Variants in AFF2 observed in about 807,000 individuals in gnomAD.
AFF2 encodes AF4/FMR2 family member 2.
AFF2 carries 14 observed loss-of-function variants against 76.9 expected under a neutral mutation model. The ratio of observed to expected loss-of-function variants is 0.18; its 90% confidence interval spans 0.12 to 0.28. AFF2 has a LOEUF of 0.28. Among genes scored for constraint, AFF2 ranks in the 10% least tolerant of loss-of-function variants. AFF2 has a pLI of 1.00. For missense variants in AFF2, 868 were observed against 1,001.1 expected (o/e 0.87, Z 1.79); for synonymous variants, 398 against 366.7 (o/e 1.09, Z -0.98).
intron 1 of AFF2, among the ~76,000 whole-genome samples, chrX:148,558,564 T>C (rs1250286775): frequency 1.8e-5 from 2 of 111,638 alleles, no homozygotes; most frequent in East Asian, 2.8e-4. Flanking sequence ...GAAGAAATAA[T>C]AGAGAGTACG....
At chrX:148,525,329 T>C (rs1420197364) in intron 1 of AFF2, among the ~76,000 whole-genome samples, 1 of 111,804 alleles carries the variant, frequency 8.9e-6, no homozygotes, top group Non-Finnish European at 1.9e-5. Flanking sequence ...ATAGCAAATA[T>C]TGACTTTAAT....
chrX:148,791,098 T>C (rs782586918), intron 3 of AFF2, among the ~76,000 whole-genome samples: 1 of 112,255 alleles, frequency 8.9e-6, no homozygotes, highest in East Asian at 2.8e-4. Context: ...TCAATACATA[T>C]TATTCTATGT....
intron 3 of AFF2, among the ~76,000 whole-genome samples, chrX:148,801,470 A>G (rs782035931): frequency 9.0e-5 from 10 of 111,704 alleles, no homozygotes; most frequent in Non-Finnish European, 1.3e-4. Flanking sequence ...ATAAGATACA[A>G]TCAGACAAGT....
chrX:148,797,210 G>T (rs1270429557), intron 3 of AFF2, among the ~76,000 whole-genome samples: 4 of 109,609 alleles, frequency 3.6e-5, no homozygotes, highest in Non-Finnish European at 7.5e-5. Context: ...CTGCTTTTGG[G>T]CCACAGATTG....
chrX:148,647,842 T>C (rs1013314790), intron 1 of AFF2, among the ~76,000 whole-genome samples: 2 of 111,374 alleles, frequency 1.8e-5, no homozygotes, highest in Non-Finnish European at 1.9e-5. Flanking sequence ...CTAAACTCTC[T>C]TCCTGTTATA....
intron 9 of AFF2, among the ~76,000 whole-genome samples, chrX:148,944,823 C>T (rs2071881144): frequency 1.8e-5 from 2 of 110,451 alleles, no homozygotes; most frequent in Admixed American, 1.9e-4. Context: ...CAGGTTGAAT[C>T]CAGGTGCCTT....
chrX:148,764,612 A>G (rs2069489897), intron 3 of AFF2, among the ~76,000 whole-genome samples: 1 of 112,362 alleles, frequency 8.9e-6, no homozygotes, highest in African/African-American at 3.2e-5. Context: ...TAATTCTTAA[A>G]AGTCCATCAT....
At chrX:148,724,406 GGCATAAATT>G (rs782458482) in intron 3 of AFF2, among the ~76,000 whole-genome samples, 6 of 110,965 alleles carry the variant, frequency 5.4e-5, no homozygotes, top group Admixed American at 3.8e-4. Flanking sequence ...ATGATACCTT[GGCATAAATT>G]GCATAAATTG....
In AFF2 at chrX:148,547,026, G is replaced by A. The variant is rs1268777350; in HGVS notation, c.47+45882G>A. Reference sequence around the variant, plus strand: ...TTGCCCTCAAGGAATTTACAGTCTTGTCAGAGAGATAATCCATACCCACAA... The same window carrying A: ...TTGCCCTCAAGGAATTTACAGTCTTATCAGAGAGATAATCCATACCCACAA... On this transcript the variant is annotated intron_variant, in intron 1 of 20. Coordinates refer to ENST00000370460, the MANE Select transcript of AFF2 (RefSeq NM_002025.4). 5 of 112,050 alleles carry A rather than the reference G, an allele frequency of 4.5e-5. No individual in the cohort carries two copies. In the Admixed American group the frequency reaches 4.7e-4, roughly 11 times the overall value. 9.2% of individuals were successfully genotyped at this position (112,050 alleles called of 1,213,427 possible). A position where few individuals can be genotyped will look rare whatever the true frequency, so the allele number is the denominator to read the frequency against.
chrX:148,567,853 A>G (rs1157881821), intron 1 of AFF2, among the ~76,000 whole-genome samples: 2 of 112,140 alleles, frequency 1.8e-5, no homozygotes, highest in African/African-American at 6.5e-5. Flanking sequence ...ATTTTAGCAA[A>G]AGAACAGATT....
In AFF2 at chrX:148,574,761, T is replaced by G. The variant is rs145594364; in HGVS notation, c.47+73617T>G. On this transcript the variant is annotated intron_variant, in intron 1 of 20. Coordinates refer to ENST00000370460, the MANE Select transcript of AFF2 (RefSeq NM_002025.4). The stretch of plus-strand genomic sequence containing the variant: ...ATAATAGTTACTACCATTTACTGGG[T>G]ACTGGACTGTGACTTTTACTTACCT... Among the ~76,000 whole-genome samples the G allele has an allele frequency of 7.4e-3, 827 of 111,369 alleles. 3 individuals are homozygous for G. The highest frequency in any genetic ancestry group is 0.011 in the Non-Finnish European group (609 of 52,963).
At chrX:148,614,726 T>C (rs375345442) in intron 1 of AFF2, among the ~76,000 whole-genome samples, 773 of 71,243 alleles carry the variant, frequency 0.011, 6 homozygotes, top group South Asian at 0.017. Context: ...TCTTTCTTTC[T>C]TTCTTTCCTT....
chrX:148,954,934 C>A (rs781885100), intron 10 of AFF2, among the ~76,000 whole-genome samples: 1 of 112,459 alleles, frequency 8.9e-6, no homozygotes, highest in Admixed American at 9.4e-5. Context: ...AATCAAGGAC[C>A]CGAATAGTAT....
At chrX:148,781,104 C>T (rs1256390264) in intron 3 of AFF2, among the ~76,000 whole-genome samples, 3 of 112,074 alleles carry the variant, frequency 2.7e-5, no homozygotes, top group Admixed American at 1.9e-4. Flanking sequence ...GATTGCTGCC[C>T]GTTCCTTCCT....
At chrX:148,524,123 CTGTGTG>C (rs59890095) in intron 1 of AFF2, among the ~76,000 whole-genome samples, 133 of 83,450 alleles carry the variant, frequency 1.6e-3, no homozygotes, top group African/African-American at 6.1e-3. Context: ...CTCTCTCTCT[CTGTGTG>C]TGTGTGTGTG....
chrX:148,553,529 T>C (rs1381351411), intron 1 of AFF2, among the ~76,000 whole-genome samples: 2 of 111,876 alleles, frequency 1.8e-5, no homozygotes, highest in Admixed American at 9.5e-5. Context: ...ACAAATGTAC[T>C]GTGGCCTTCT....
At chrX:148,818,396 AAACT>A (rs2070291300) in intron 4 of AFF2, among the ~76,000 whole-genome samples, 1 of 111,473 alleles carries the variant, frequency 9.0e-6, no homozygotes, top group Non-Finnish European at 1.9e-5. Flanking sequence ...CTGTATAAAC[AAACT>A]AAGTCACTAT....
intron 1 of AFF2, among the ~76,000 whole-genome samples, chrX:148,518,097 A>ATAGTTTCTTGCT (rs1298942628): frequency 1.8e-5 from 2 of 112,099 alleles, no homozygotes; most frequent in African/African-American, 6.5e-5. Flanking sequence ...CCCAAGATGA[A>ATAGTTTCTTGCT]TAGTTTCTTG....
intron 16 of AFF2, among the ~76,000 whole-genome samples, chrX:148,975,801 G>A (rs973327347): frequency 2.1e-3 from 210 of 99,896 alleles, no homozygotes; most frequent in African/African-American, 6.2e-3. Flanking sequence ...AAAATTAGCC[G>A]GGCGTAGTGG....
Sources: gnomAD v4.1 joint callset for allele counts (sites outside exome capture counted in the v4.1 genomes callset) on GRCh38, gnomAD v4.1.1 for gene constraint, MANE v1.5 for transcripts, NCBI Gene and HGNC (gene_info 2026-07-23, HGNC 2026-07-21) for gene names.